The following SPMIP7 variants were observed in gnomAD, a reference collection of about 807,000 sequenced individuals.
The protein encoded by SPMIP7 is protein SPMIP7.
the SPMIP7 span, among the ~76,000 whole-genome samples, chr7:50,121,512 C>G: frequency 6.6e-6 from 1 of 152,126 alleles, no homozygotes; most frequent in Non-Finnish European, 1.5e-5. Context: ...TATGTCACTT[C>G]TGTTTTCTGG....
chr7:50,110,136 G>A, the SPMIP7 span, among the ~76,000 whole-genome samples: 3 of 151,826 alleles, frequency 2.0e-5, no homozygotes, highest in Admixed American at 2.0e-4. Flanking sequence ...GTGGTAAAAT[G>A]AAAATAGTTA....
chr7:50,150,459 C>G, the SPMIP7 span, among the ~76,000 whole-genome samples: 1 of 152,164 alleles, frequency 6.6e-6, no homozygotes, highest in Admixed American at 6.5e-5. Context: ...AAGCTGAGGC[C>G]ATGGCGTTGA....
chr7:50,125,219 C>T, the SPMIP7 span, among the ~76,000 whole-genome samples: 46 of 72,254 alleles, frequency 6.4e-4, no homozygotes, highest in African/African-American at 2.1e-3. Flanking sequence ...TATATATACA[C>T]ATATATACAC....
chr7:50,133,023 A>G, the SPMIP7 span, among the ~76,000 whole-genome samples: 9 of 152,306 alleles, frequency 5.9e-5, no homozygotes, highest in Non-Finnish European at 1.2e-4. Context: ...CCTTGTCCAT[A>G]GAATGGAAAG....
chr7:50,134,345 ACCTAAGGAAGT>A, the SPMIP7 span: 1 of 1,041,492 alleles, frequency 9.6e-7, no homozygotes. Flanking sequence ...TGTTAACAAT[ACCTAAGGAAGT>A]AAATTTATGT....
chr7:50,108,487 A>T, the SPMIP7 span, among the ~76,000 whole-genome samples: 1 of 152,224 alleles, frequency 6.6e-6, no homozygotes, highest in Non-Finnish European at 1.5e-5. Context: ...ATCATGATAT[A>T]GCACACCAAG....
At chr7:50,146,048 G>A in the SPMIP7 span, among the ~76,000 whole-genome samples, 4 of 152,102 alleles carry the variant, frequency 2.6e-5, no homozygotes, top group Non-Finnish European at 2.9e-5. Flanking sequence ...CCTGTCAGTC[G>A]CTGGACTGTG....
At chr7:50,123,842 C>T in the SPMIP7 span, among the ~76,000 whole-genome samples, 1 of 151,778 alleles carries the variant, frequency 6.6e-6, no homozygotes, top group African/African-American at 2.4e-5. Flanking sequence ...TAGGGTTTTC[C>T]AGAAGCCAGT....
At chr7:50,130,461 A>G in the SPMIP7 span, among the ~76,000 whole-genome samples, 1 of 152,132 alleles carries the variant, frequency 6.6e-6, no homozygotes, top group Non-Finnish European at 1.5e-5. Context: ...AACTGCCCCC[A>G]TGATTCAATT....
the SPMIP7 span, among the ~76,000 whole-genome samples, chr7:50,136,958 A>G: frequency 1.3e-5 from 2 of 152,180 alleles, no homozygotes; most frequent in African/African-American, 2.4e-5. Flanking sequence ...TACTTACACA[A>G]TGGAAAATTT....
At chr7:50,137,265 G>T in the SPMIP7 span, among the ~76,000 whole-genome samples, 1 of 152,022 alleles carries the variant, frequency 6.6e-6, no homozygotes, top group African/African-American at 2.4e-5. Context: ...TACAAAAATT[G>T]ATAGAAAATA....
the SPMIP7 span, among the ~76,000 whole-genome samples, chr7:50,128,553 T>C: frequency 6.6e-6 from 1 of 152,036 alleles, no homozygotes; most frequent in South Asian, 2.1e-4. Context: ...ATTATATGAA[T>C]GTATCAAATT....
At chr7:50,118,705 G>C in the SPMIP7 span, among the ~76,000 whole-genome samples, 1 of 152,168 alleles carries the variant, frequency 6.6e-6, no homozygotes, top group East Asian at 1.9e-4. Context: ...CATCACCATT[G>C]TCCCTATTAC....
chr7:50,125,237 TACACATATATACACATATATATAC>T, the SPMIP7 span, among the ~76,000 whole-genome samples: 63 of 86,166 alleles, frequency 7.3e-4, no homozygotes, highest in South Asian at 2.1e-3. Flanking sequence ...CACATATATA[TACACATATATACACATATATATAC>T]ACACATATAT....
chr7:50,098,548 G>T, the SPMIP7 span, among the ~76,000 whole-genome samples: 3 of 152,118 alleles, frequency 2.0e-5, no homozygotes, highest in Admixed American at 2.0e-4. Flanking sequence ...AGGCTGGGTG[G>T]CTGAAACAAC....
the SPMIP7 span, chr7:50,142,146 A>G: frequency 6.6e-6 from 1 of 152,154 alleles, no homozygotes; most frequent in South Asian, 2.1e-4. Flanking sequence ...TTGCTACTAC[A>G]CATAATAATT....
chr7:50,107,386 G>GAAAAGAAAAAGAAAAAAAAA, the SPMIP7 span, among the ~76,000 whole-genome samples: 2 of 47,376 alleles, frequency 4.2e-5, no homozygotes, highest in Non-Finnish European at 7.4e-5. Flanking sequence ...AAAAAAAAAA[G>GAAAAGAAAAAGAAAAAAAAA]AAAAGAAAAG....
At chr7:50,151,530 C>A in the SPMIP7 span, 1 of 1,551,244 alleles carries the variant, frequency 6.4e-7, no homozygotes, top group African/African-American at 1.4e-5. Context: ...CCATCAACAA[C>A]CCCATCACCA....
the SPMIP7 span, among the ~76,000 whole-genome samples, chr7:50,152,861 A>G: frequency 2.6e-5 from 4 of 151,856 alleles, no homozygotes; most frequent in Non-Finnish European, 2.9e-5. Context: ...TAATTTTTGT[A>G]TTTTTGGTAG....
Sources: gnomAD v4.1 joint callset for allele counts (sites outside exome capture counted in the v4.1 genomes callset) on GRCh38, gnomAD v4.1.1 for gene constraint, MANE v1.5 for transcripts, NCBI Gene and HGNC (gene_info 2026-07-23, HGNC 2026-07-21) for gene names.